CRACDL: variants seen among roughly 807,000 people sequenced by gnomAD.
CRACDL encodes the protein CRACD like, also known as CRACD-like protein.
Under a neutral mutation model 70.6 loss-of-function variants are expected in CRACDL, and 26 were observed. The observed-to-expected ratio is 0.37, with a 90% CI of 0.27 to 0.51. The LOEUF is 0.51. CRACDL is among the 20% of genes least tolerant of loss of function. The pLI is 0.94. For synonymous variants in CRACDL, 618 were observed against 615.2 expected (o/e 1.00, Z -0.07); for missense variants, 1,283 against 1,376.9 (o/e 0.93, Z 1.08).
chr2:98,894,104 C>G (rs1377023875), intron 1 of CRACDL, among the ~76,000 whole-genome samples: 1 of 152,244 alleles, frequency 6.6e-6, no homozygotes, highest in Non-Finnish European at 1.5e-5. Flanking sequence ...ACCACTTCCT[C>G]TTCCTCCGCC....
At chr2:98,923,004 T>G (rs1332572042) in intron 1 of CRACDL, among the ~76,000 whole-genome samples, 21 of 152,190 alleles carry the variant, frequency 1.4e-4, no homozygotes, top group Non-Finnish European at 1.5e-5. Context: ...GAGCGGTGGC[T>G]TATGCCTGTA....
At chr2:98,927,224 C>T (rs561672569) in intron 1 of CRACDL, among the ~76,000 whole-genome samples, 1 of 152,354 alleles carries the variant, frequency 6.6e-6, no homozygotes, top group East Asian at 1.9e-4. Context: ...GTGGGACCCT[C>T]CCTGGTGCGG....
At chr2:98,837,160 C>T (rs370144579) in intron 3 of CRACDL, among the ~76,000 whole-genome samples, 625 of 151,196 alleles carry the variant, frequency 4.1e-3, no homozygotes, top group African/African-American at 0.013. Context: ...TATTACATTC[C>T]CTGCTAGCAC....
chr2:98,929,414 A>AG (rs2104705809), intron 1 of CRACDL, among the ~76,000 whole-genome samples: 1 of 152,270 alleles, frequency 6.6e-6, no homozygotes, highest in East Asian at 1.9e-4. Context: ...AATCAGACCA[A>AG]GAGCCCAGAG....
chr2:98,825,597 G>A (rs959105215), intron 6 of CRACDL, among the ~76,000 whole-genome samples: 3 of 152,168 alleles, frequency 2.0e-5, no homozygotes, highest in African/African-American at 7.2e-5. Context: ...CAGACTTGAG[G>A]GCCAGAAGGG....
chr2:98,932,293 C>CA (rs1405844294), intron 1 of CRACDL, among the ~76,000 whole-genome samples: 1 of 152,208 alleles, frequency 6.6e-6, no homozygotes, highest in Non-Finnish European at 1.5e-5. Flanking sequence ...TCTTGCATCT[C>CA]ACATCCATGT....
intron 8 of CRACDL, among the ~76,000 whole-genome samples, chr2:98,796,766 A>G (rs1302353570): frequency 1.3e-5 from 2 of 152,150 alleles, no homozygotes; most frequent in Non-Finnish European, 2.9e-5. Flanking sequence ...TCACGGTGCT[A>G]TTGGGGGATA....
At chr2:98,800,558 T>A (rs1402286600) in intron 7 of CRACDL, among the ~76,000 whole-genome samples, 6 of 152,008 alleles carry the variant, frequency 3.9e-5, no homozygotes. Flanking sequence ...GGCTTGGATA[T>A]CTTGTTCTAG....
intron 1 of CRACDL, among the ~76,000 whole-genome samples, chr2:98,921,846 G>A (rs1017895228): frequency 6.6e-6 from 1 of 152,000 alleles, no homozygotes; most frequent in African/African-American, 2.4e-5. Flanking sequence ...AGTCATTCCT[G>A]CCTCTGTGAC....
In CRACDL at chr2:98,821,840, C is replaced by T; in HGVS notation, c.2416+17G>A. 2 of 1,606,134 alleles carry T rather than the reference C, an allele frequency of 1.2e-6. No homozygotes were observed. Among genetic ancestry groups the T allele is most frequent in the South Asian group, 1.1e-5 (1 of 90,434 alleles). ...TCCCCAGGCCCTGCCCTTCCCGCAC[C>T]CTCGGCGGGCTCTTACCAGCTCCCC... is the stretch of plus-strand genomic sequence containing the variant. On this transcript the variant is annotated intron_variant, in intron 7 of 9. Transcript: ENST00000397899.
At chr2:98,887,963 G>C (rs967451865) in intron 1 of CRACDL, among the ~76,000 whole-genome samples, 2 of 152,034 alleles carry the variant, frequency 1.3e-5, no homozygotes, top group Non-Finnish European at 1.5e-5. Flanking sequence ...TTTCTTTTGG[G>C]GTGAAGAAAA....
chr2:98,794,715 C>T (rs1404767441), intron 9 of CRACDL, 44 bp from the exon 10 acceptor site: 1 of 1,571,768 alleles, frequency 6.4e-7, no homozygotes, highest in Non-Finnish European at 8.7e-7. Flanking sequence ...TGAGCAGTGA[C>T]TTCGAATTTT....
At chr2:98,862,306 G>A (rs1558608722) in intron 1 of CRACDL, among the ~76,000 whole-genome samples, 2 of 151,984 alleles carry the variant, frequency 1.3e-5, no homozygotes, top group African/African-American at 4.8e-5. Context: ...GCAAACCCTG[G>A]GAAAAGGACA....
intron 8 of CRACDL, among the ~76,000 whole-genome samples, chr2:98,797,082 C>G (rs1465488997): frequency 6.6e-6 from 1 of 152,246 alleles, no homozygotes; most frequent in Admixed American, 6.5e-5. Context: ...AGAGAGCTGT[C>G]TGCACTGCCT....
intron 1 of CRACDL, among the ~76,000 whole-genome samples, chr2:98,934,192 AT>A (rs1709152511): frequency 4.0e-5 from 5 of 126,302 alleles, no homozygotes; most frequent in Admixed American, 9.7e-5. Flanking sequence ...GTCAAGATTC[AT>A]CCTTTTTTTT....
chr2:98,879,879 C>T (rs1448993360), intron 1 of CRACDL, among the ~76,000 whole-genome samples: 1 of 152,198 alleles, frequency 6.6e-6, no homozygotes, highest in Non-Finnish European at 1.5e-5. Flanking sequence ...TTTAAAAAAG[C>T]AGCGAAGCCT....
Position 98,925,627 on chromosome 2 carries a change from C to T in CRACDL, c.-11+10311G>A, listed in dbSNP as rs148697243. Among the ~76,000 whole-genome samples, 79 of 152,232 alleles carry T rather than the reference C, an allele frequency of 5.2e-4. No individual in the cohort carries two copies. The East Asian group carries it at 0.01, about 20-fold the overall frequency. The stretch of plus-strand genomic sequence containing the variant: ...CGCTGCATACACGGGGAGTGCGCCT[C>T]GTGAGGGAAGCGGGATAAAGGTGGG... On this transcript the variant is annotated intron_variant, in intron 1 of 9. Coordinates refer to ENST00000397899, the MANE Select transcript of CRACDL (RefSeq NM_207362.3).
chr2:98,891,585 G>A (rs1465889676), intron 1 of CRACDL, among the ~76,000 whole-genome samples: 1 of 151,930 alleles, frequency 6.6e-6, no homozygotes, highest in Non-Finnish European at 1.5e-5. Flanking sequence ...GTAGAGAGGA[G>A]GAAGTGAAAC....
chr2:98,865,780 T>C (rs186378913), intron 1 of CRACDL, among the ~76,000 whole-genome samples: 1 of 150,362 alleles, frequency 6.7e-6, no homozygotes, highest in East Asian at 2.0e-4. Flanking sequence ...TCCCTGAAGG[T>C]GTCAAGAGGA....
Sources: allele counts gnomAD v4.1 joint callset (sites outside exome capture counted in the v4.1 genomes callset), GRCh38; gene constraint gnomAD v4.1.1; transcripts MANE v1.5; gene names NCBI Gene and HGNC (gene_info 2026-07-23, HGNC 2026-07-21).